NDUFA8: variants seen among roughly 807,000 people sequenced by gnomAD.
NDUFA8 encodes NADH:ubiquinone oxidoreductase subunit A8.
Under a neutral mutation model 20.9 loss-of-function variants are expected in NDUFA8, and 16 were observed. The observed-to-expected ratio is 0.77, with a 90% confidence interval of 0.52 to 1.16. The LOEUF (loss-of-function observed/expected upper bound fraction) is 1.16. NDUFA8 is among the 50% of genes most tolerant of loss of function. The pLI is 0.00. For missense variants in NDUFA8, 202 were observed against 216.4 expected, an observed-to-expected ratio of 0.93 and a Z score of 0.42; for synonymous variants, 70 against 76.1, an observed-to-expected ratio of 0.92 and a Z score of 0.41.
intron 3 of NDUFA8, 41 bp downstream of exon 3, chr9:122,148,071 C>T (rs1828932244): frequency 3.1e-6 from 5 of 1,612,740 alleles, no homozygotes; most frequent in Non-Finnish European, 4.2e-6. Flanking sequence ...TTATCCCACC[C>T]CTGAATCAGA....
intron 2 of NDUFA8, 105 bp downstream of exon 2, chr9:122,152,140 G>T: frequency 7.7e-7 from 1 of 1,299,438 alleles, no homozygotes; most frequent in South Asian, 1.2e-5. Context: ...TGATTTCAAA[G>T]CCTATGTACT....
intron 3 of NDUFA8, 149 bp downstream of exon 3, chr9:122,147,963 G>C: frequency 1.0e-6 from 1 of 1,002,226 alleles, no homozygotes. Flanking sequence ...TTTCTGGATT[G>C]TGTATAATCA....
downstream of NDUFA8, among the ~76,000 whole-genome samples, chr9:122,140,383 TA>T (rs371015504): frequency 5.9e-5 from 9 of 152,052 alleles, no homozygotes; most frequent in Admixed American, 3.3e-4. Context: ...TTTCAGGGCA[TA>T]AAAAAAATCC....
At chr9:122,135,157 C>G in the NDUFA8 span, among the ~76,000 whole-genome samples, 1,955 of 152,320 alleles carry the variant, frequency 0.013, 49 homozygotes, top group African/African-American at 0.045. Context: ...CCTGGAAAAG[C>G]TCTCTGCCTG....
intron 2 of NDUFA8, among the ~76,000 whole-genome samples, chr9:122,150,384 C>A (rs968289666): frequency 7.5e-6 from 1 of 133,912 alleles, no homozygotes; most frequent in Admixed American, 9.1e-5. Flanking sequence ...GCACTCCAGC[C>A]TGGGCGACAG....
chr9:122,134,121 C>G, the NDUFA8 span, among the ~76,000 whole-genome samples: 4 of 152,214 alleles, frequency 2.6e-5, no homozygotes, highest in African/African-American at 9.6e-5. Flanking sequence ...GGGCTGGTGG[C>G]CAACACACCA....
the NDUFA8 span, among the ~76,000 whole-genome samples, chr9:122,135,772 A>G: frequency 6.6e-6 from 1 of 152,112 alleles, no homozygotes; most frequent in Admixed American, 6.5e-5. Flanking sequence ...TCATTTCTGG[A>G]GAGGTGGGGT....
intron 1 of NDUFA8, among the ~76,000 whole-genome samples, chr9:122,152,921 G>A (rs917539999): frequency 1.3e-5 from 2 of 152,094 alleles, no homozygotes; most frequent in Non-Finnish European, 2.9e-5. Context: ...GCAGGGAGAG[G>A]AACCAACTCT....
downstream of NDUFA8, among the ~76,000 whole-genome samples, chr9:122,139,232 C>T (rs1422050312): frequency 6.6e-6 from 1 of 152,192 alleles, no homozygotes; most frequent in Non-Finnish European, 1.5e-5. Context: ...TTCCTGCAGA[C>T]TGGGACACTC....
chr9:122,154,506 T>A (rs1196064451), intron 1 of NDUFA8, among the ~76,000 whole-genome samples: 1 of 152,270 alleles, frequency 6.6e-6, no homozygotes, highest in Non-Finnish European at 1.5e-5. Context: ...ACTTTCAAAC[T>A]GTTTACTGCT....
At chr9:122,147,243 T>TA (rs35241080) in intron 3 of NDUFA8, among the ~76,000 whole-genome samples, 11,089 of 146,606 alleles carry the variant, frequency 0.076, 556 homozygotes, top group Middle Eastern at 0.16. Flanking sequence ...ATGAGAGGAT[T>TA]AAAAAAAAAA....
At chr9:122,136,758 T>C in the NDUFA8 span, among the ~76,000 whole-genome samples, 1 of 152,198 alleles carries the variant, frequency 6.6e-6, no homozygotes, top group Non-Finnish European at 1.5e-5. Context: ...GGTTTCACCA[T>C]GTTGCCCAGG....
chr9:122,158,774 C>A (rs1829123263), intron 1 of NDUFA8, among the ~76,000 whole-genome samples: 2 of 140,084 alleles, frequency 1.4e-5, no homozygotes, highest in South Asian at 2.3e-4. Context: ...ATATACACAC[C>A]AATTGTGTGT....
intron 1 of NDUFA8, among the ~76,000 whole-genome samples, chr9:122,152,619 G>A (rs1428393832): frequency 2.0e-5 from 3 of 150,158 alleles, no homozygotes; most frequent in East Asian, 1.9e-4. Flanking sequence ...GCAGTGGCGC[G>A]ATCTCGGCTT....
chr9:122,145,172 T>C (rs148272999), intron 3 of NDUFA8, among the ~76,000 whole-genome samples: 3 of 152,224 alleles, frequency 2.0e-5, no homozygotes, highest in East Asian at 1.9e-4. Context: ...GGTGTTTGCG[T>C]TTTAACCTGA....
the NDUFA8 span, among the ~76,000 whole-genome samples, chr9:122,135,167 G>T: frequency 3.2e-3 from 491 of 152,304 alleles, 7 homozygotes; most frequent in South Asian, 0.014. Flanking sequence ...CTCTCTGCCT[G>T]TCCACCTTGC....
chr9:122,156,809 CTCTCTGTAAGCACAG>C (rs1261779491), intron 1 of NDUFA8, among the ~76,000 whole-genome samples: 1 of 152,206 alleles, frequency 6.6e-6, no homozygotes, highest in Non-Finnish European at 1.5e-5. Flanking sequence ...TTGTTCTTTG[CTCTCTGTAAGCACAG>C]TCTCTGTAAG....
At chr9:122,148,410 T>C in intron 2 of NDUFA8, 133 bp from the exon 3 acceptor site, 1 of 1,003,812 alleles carries the variant, frequency 1.0e-6, no homozygotes, top group Admixed American at 1.9e-5. Context: ...TATTCTTATC[T>C]CACTTACAAG....
At chr9:122,151,086 T>G (rs1345121130) in intron 2 of NDUFA8, among the ~76,000 whole-genome samples, 3 of 152,110 alleles carry the variant, frequency 2.0e-5, no homozygotes, top group Admixed American at 2.0e-4. Context: ...ATACTATGAT[T>G]ATAACCACAA....
Sources: allele counts gnomAD v4.1 joint callset (sites outside exome capture counted in the v4.1 genomes callset), GRCh38; gene constraint gnomAD v4.1.1; transcripts MANE v1.5; gene names NCBI Gene and HGNC (gene_info 2026-07-23, HGNC 2026-07-21).